The following SH3RF2 variants were observed in gnomAD, a reference collection of about 807,000 sequenced individuals.
SH3RF2 encodes E3 ubiquitin-protein ligase SH3RF2.
Under a neutral mutation model 59.0 loss-of-function variants are expected in SH3RF2, and 43 were observed. The observed-to-expected ratio is 0.73, with a 90% confidence interval of 0.57 to 0.94. The LOEUF (loss-of-function observed/expected upper bound fraction) is 0.94. SH3RF2 is among the 40% of genes least tolerant of loss of function. The pLI, the probability that SH3RF2 is intolerant of heterozygous loss-of-function variation, is 0.00. For synonymous variants in SH3RF2, 391 were observed against 391.5 expected (o/e 1.00, Z 0.01); for missense variants, 930 against 940.1 (o/e 0.99, Z 0.14).
In SH3RF2 at chr5:146,047,191, T is replaced by A. The variant is rs1762335004; in HGVS notation, c.1060-581T>A. ...TGTGTGTGTGTGTTTCTAGCAATAG[T>A]CAATAATAAGAATATGGGCTCAGAA... On this transcript the variant is annotated intron_variant, in intron 5 of 9. Coordinates refer to ENST00000359120, the MANE Select transcript of SH3RF2 (RefSeq NM_152550.4). Among the ~76,000 whole-genome samples the A allele has an allele frequency of 7.1e-5, 7 of 97,972 alleles. No homozygotes were observed. In the South Asian group the frequency reaches 1.9e-3, roughly 27 times the overall value. The allele number at this position is 97,972 out of a possible 152,430, so 64.3% of individuals were successfully genotyped here.
intron 2 of SH3RF2, among the ~76,000 whole-genome samples, chr5:145,996,210 T>C (rs1322234457): frequency 6.6e-6 from 1 of 152,208 alleles, no homozygotes. Flanking sequence ...AGGAGATCCA[T>C]GAAGACCTAA....
chr5:145,982,051 T>A (rs1038961123), intron 2 of SH3RF2, among the ~76,000 whole-genome samples: 1 of 152,210 alleles, frequency 6.6e-6, no homozygotes, highest in Non-Finnish European at 1.5e-5. Context: ...CTGTTTTAAG[T>A]GGCAGTGGCT....
downstream of SH3RF2, among the ~76,000 whole-genome samples, chr5:146,065,722 T>A (rs1763087224): frequency 6.6e-6 from 1 of 152,076 alleles, no homozygotes; most frequent in Non-Finnish European, 1.5e-5. Context: ...CTTTGTGGAG[T>A]TTTAAGAGGG....
intron 5 of SH3RF2, among the ~76,000 whole-genome samples, chr5:146,032,908 C>A (rs1324159130): frequency 6.6e-6 from 1 of 152,186 alleles, no homozygotes; most frequent in African/African-American, 2.4e-5. Flanking sequence ...CCCTCTAGAA[C>A]CTTCCAGACC....
chr5:145,953,818 A>T (rs6882905), intron 2 of SH3RF2, among the ~76,000 whole-genome samples: 30,710 of 151,954 alleles, frequency 0.2, 4,267 homozygotes, highest in African/African-American at 0.39. Context: ...TATTTGGTTT[A>T]TTGTTCCTGC....
intron 2 of SH3RF2, among the ~76,000 whole-genome samples, chr5:145,964,047 T>TG (rs1379054091): frequency 6.6e-6 from 1 of 151,928 alleles, no homozygotes; most frequent in Non-Finnish European, 1.5e-5. Context: ...TTAGACAGGA[T>TG]GGTCTCGATC....
chr5:146,021,888 C>T (rs566212647), intron 5 of SH3RF2, among the ~76,000 whole-genome samples: 2 of 152,182 alleles, frequency 1.3e-5, no homozygotes, highest in African/African-American at 4.8e-5. Flanking sequence ...GAGAATTAAC[C>T]TCTGACTCAC....
At chr5:146,079,250 A>T (rs1763388736) in exon 10 of SH3RF2, 1 of 152,114 alleles carries the variant, frequency 6.6e-6, no homozygotes, top group Admixed American at 6.5e-5. Flanking sequence ...ATAAGTCATC[A>T]TAAAGAACAA....
intron 5 of SH3RF2, among the ~76,000 whole-genome samples, chr5:146,039,233 G>GA (rs1338747449): frequency 4.0e-5 from 6 of 151,590 alleles, no homozygotes; most frequent in Non-Finnish European, 7.4e-5. Flanking sequence ...ACCTTGGGAG[G>GA]AAAAAAAACT....
At chr5:145,992,419 T>C (rs1448670856) in intron 2 of SH3RF2, among the ~76,000 whole-genome samples, 2 of 152,166 alleles carry the variant, frequency 1.3e-5, no homozygotes, top group African/African-American at 2.4e-5. Flanking sequence ...GGATACTGAG[T>C]TCAAATCCTA....
intron 2 of SH3RF2, among the ~76,000 whole-genome samples, chr5:145,995,929 T>G (rs1343440737): frequency 6.6e-6 from 1 of 152,196 alleles, no homozygotes; most frequent in Admixed American, 6.5e-5. Context: ...ATTGTATGGG[T>G]ATGGGTGTAT....
chr5:145,948,985 A>T (rs1758095412), intron 2 of SH3RF2, among the ~76,000 whole-genome samples: 1 of 152,240 alleles, frequency 6.6e-6, no homozygotes, highest in South Asian at 2.1e-4. Context: ...AATGTTTGCC[A>T]TATTGCAAGA....
chr5:145,951,971 A>G (rs1483571100), intron 2 of SH3RF2, among the ~76,000 whole-genome samples: 1 of 151,992 alleles, frequency 6.6e-6, no homozygotes, highest in Admixed American at 6.6e-5. Flanking sequence ...GGATAAGTCA[A>G]CCTCCCTGAG....
At chr5:145,941,563 T>C (rs1224299328) in intron 2 of SH3RF2, among the ~76,000 whole-genome samples, 3 of 152,180 alleles carry the variant, frequency 2.0e-5, no homozygotes, top group African/African-American at 7.2e-5. Flanking sequence ...TTCAAAAGGA[T>C]TGTAGGTTCC....
intron 5 of SH3RF2, among the ~76,000 whole-genome samples, chr5:146,027,475 T>G (rs1761569581): frequency 6.6e-6 from 1 of 152,200 alleles, no homozygotes; most frequent in Admixed American, 6.5e-5. Flanking sequence ...GGCACTGAGC[T>G]GGGCACAGGT....
intron 9 of SH3RF2, among the ~76,000 whole-genome samples, chr5:146,075,319 A>C (rs1191038553): frequency 6.6e-6 from 1 of 152,226 alleles, no homozygotes; most frequent in Non-Finnish European, 1.5e-5. Flanking sequence ...ACTTATATCA[A>C]ACATCGACTT....
chr5:146,049,213 C>A lies in SH3RF2; in HGVS notation c.1290C>A (p.Ile430=), dbSNP rs1052475790. 4 of 1,613,520 alleles carry A rather than the reference C, an allele frequency of 2.5e-6. No homozygotes were observed. The highest frequency in any genetic ancestry group is 2.2e-5 in the East Asian group (1 of 44,860). ...GVSLVTGRVG[I]FPNNYVIPIF... ...CCTTGGTCACCGGGCGAGTCGGCAT[C>A]TTCCCAAACAATTACGTCATCCCCA... is the stretch of plus-strand genomic sequence containing the variant. The change falls in exon 7 of 10, where the codon ATC becomes ATA. Residue 430 remains isoleucine, a synonymous_variant. Transcript: ENST00000359120.
intron 2 of SH3RF2, among the ~76,000 whole-genome samples, chr5:145,960,202 G>T (rs1379503239): frequency 4.6e-5 from 7 of 152,156 alleles, no homozygotes; most frequent in Non-Finnish European, 1.0e-4. Context: ...ATAGGAATGT[G>T]CCACTATGCC....
chr5:146,015,025 G>A (rs1761050862), intron 5 of SH3RF2, among the ~76,000 whole-genome samples: 1 of 152,158 alleles, frequency 6.6e-6, no homozygotes, highest in Non-Finnish European at 1.5e-5. Context: ...AACTTGAAAG[G>A]ACAAAACTCA....
Sources: allele counts gnomAD v4.1 joint callset (sites outside exome capture counted in the v4.1 genomes callset), GRCh38; gene constraint gnomAD v4.1.1; transcripts MANE v1.5; gene names NCBI Gene and HGNC (gene_info 2026-07-23, HGNC 2026-07-21).